Variants in ANKRD2 observed in about 807,000 individuals in gnomAD.
ANKRD2 encodes the protein ankyrin repeat domain 2.
In ANKRD2, 35 loss-of-function variants were observed where a neutral mutation model predicts 37.3. That is an observed-to-expected ratio of 0.94 (90% CI 0.72 to 1.24). The LOEUF (loss-of-function observed/expected upper bound fraction) is 1.24, where lower values mean the gene tolerates loss of function less well. Among genes scored for constraint, ANKRD2 ranks in the 50% most tolerant of loss-of-function variants. ANKRD2 has a pLI of 0.00. For missense variants in ANKRD2, 410 were observed against 445.6 expected, an observed-to-expected ratio of 0.92 and a Z score of 0.72; for synonymous variants, 159 against 186.5, an observed-to-expected ratio of 0.85 and a Z score of 1.20.
At chr10:97,580,685 C>T (rs1163311537) in intron 4 of ANKRD2, among the ~76,000 whole-genome samples, 170 bp from the exon 5 acceptor site, 1 of 152,102 alleles carries the variant, frequency 6.6e-6, no homozygotes, top group East Asian at 1.9e-4. Context: ...CAGAGGGCTC[C>T]CAGGCTGGTC....
chr10:97,580,669 C>T (rs746253241), intron 4 of ANKRD2, among the ~76,000 whole-genome samples, 186 bp from the exon 5 acceptor site: 1 of 152,152 alleles, frequency 6.6e-6, no homozygotes, highest in Non-Finnish European at 1.5e-5. Flanking sequence ...GTCGGGTTCC[C>T]TGGGGCAGAG....
chr10:97,572,495 G>A, upstream of ANKRD2: 1 of 577,934 alleles, frequency 1.7e-6, no homozygotes. Context: ...CTTGGCTAAG[G>A]CCCAACCAGT....
At chr10:97,581,185 A>C in intron 5 of ANKRD2, 131 bp from the exon 6 acceptor site, 1 of 941,152 alleles carries the variant, frequency 1.1e-6, no homozygotes, top group South Asian at 1.6e-5. Flanking sequence ...CACTTGGTCC[A>C]TTGCCCATGC....
At chr10:97,579,645 C>T (rs1386834862) in intron 4 of ANKRD2, among the ~76,000 whole-genome samples, 4 of 151,210 alleles carry the variant, frequency 2.6e-5, no homozygotes, top group East Asian at 3.9e-4. Context: ...TGGAGTGCAG[C>T]GGTGCGATCT....
rs530756267 is a variant in ANKRD2 at position 97,582,500 on chromosome 10, C to A, written c.753+87C>A. 1.2e-5 allele frequency: 19 copies of A among 1,560,908 alleles called. 1 individual carries two copies. The South Asian group carries it at 1.7e-4, about 14-fold the overall frequency. ...ACAGGTGGTGTCCTTCCTCCTGGGG[C>A]CTTCAGGACTTGGCTCCTGAGCAGG... On this transcript the variant is annotated intron_variant, in intron 7 of 8. Transcript: ENST00000370655.
intron 2 of ANKRD2, 92 bp from the exon 3 acceptor site, chr10:97,578,148 A>ACCCCCCC: frequency 4.4e-6 from 1 of 227,704 alleles, no homozygotes; most frequent in Non-Finnish European, 8.3e-6. Context: ...CTTCCTGCCC[A>ACCCCCCC]CCCCACCCTC....
At position 97,582,612 on chromosome 10, in the gene ANKRD2, T is replaced by C. The variant is rs1367452617; in HGVS notation, c.762T>C (p.Asp254=). The change falls in exon 8 of 9, where the codon GAT becomes GAC. Residue 254 remains aspartate, a synonymous_variant. Coordinates refer to ENST00000370655, the MANE Select transcript of ANKRD2 (RefSeq NM_001346793.2). ...TGCCACACTGACTCTAGGAAGGGGA[T>C]ACTGCCCTGCATGACGCTGTGAGGC... ...LEINARDREG[D]TALHDAVRLN... is the part of the protein sequence containing the mutation. 2 of 1,614,138 alleles carry C rather than the reference T, an allele frequency of 1.2e-6. No homozygotes were observed. Among genetic ancestry groups the C allele is most frequent in the Admixed American group, 1.7e-5 (1 of 60,030 alleles).
intron 2 of ANKRD2, 120 bp from the exon 3 acceptor site, chr10:97,578,120 C>T: frequency 7.5e-7 from 1 of 1,339,786 alleles, no homozygotes; most frequent in Non-Finnish European, 1.0e-6. Context: ...ACCTTGGTTC[C>T]TTCTTTCTTA....
intron 1 of ANKRD2, 95 bp from the exon 2 acceptor site, chr10:97,577,705 A>G (rs1458423950): frequency 8.7e-6 from 9 of 1,029,548 alleles, no homozygotes; most frequent in Non-Finnish European, 1.1e-5. Context: ...GAGACCACCC[A>G]GGAGGATGTC....
rs2040853176 is a variant in ANKRD2 at position 97,578,321 on chromosome 10, CT to C, written c.272del (p.Leu91ArgfsTer36). On this transcript the variant is annotated frameshift_variant, in exon 3 of 9. Coordinates refer to ENST00000370655, the MANE Select transcript of ANKRD2 (RefSeq NM_001346793.2). LOFTEE classifies it high-confidence loss of function. ...DVGGIQNLIE[L>X]RKKRKQKKRD... is the part of the protein sequence containing the mutation. The stretch of plus-strand genomic sequence containing the variant: ...GGGCGGGATCCAGAACCTCATCGAG[CT>C]GCGGAAGAAACGCAAGCAGAAGAAG... 3 of 1,613,272 alleles carry C rather than the reference CT, an allele frequency of 1.9e-6. No individual in the cohort carries two copies. The highest frequency in any genetic ancestry group is 2.5e-6 in the Non-Finnish European group (3 of 1,179,958).
In ANKRD2 at chr10:97,572,830, C is replaced by G; in HGVS notation, c.42C>G (p.Ala14=). The stretch of plus-strand genomic sequence containing the variant: ...AGGACTCCGAGGCGGTGCAGAGGGC[C>G]ACAGCGCTCATCGAGCAGCGGCTGG... ...TMEDSEAVQR[A]TALIEQRLAQ... is the part of the protein sequence containing the mutation. Residue 14 remains alanine (A), a synonymous_variant, in exon 1 of 9, where the codon GCC becomes GCG. Transcript: ENST00000370655. 1 of 1,564,070 alleles carries G rather than the reference C, an allele frequency of 6.4e-7. No homozygotes were observed. The highest frequency in any genetic ancestry group is 8.7e-7 in the Non-Finnish European group (1 of 1,154,488).
At chr10:97,576,755 G>T in intron 1 of ANKRD2, among the ~76,000 whole-genome samples, 1 of 150,530 alleles carries the variant, frequency 6.6e-6, no homozygotes, top group African/African-American at 2.4e-5. Context: ...GGAGTATAGT[G>T]GCACGATCTT....
At chr10:97,576,724 T>A (rs2040831275) in intron 1 of ANKRD2, among the ~76,000 whole-genome samples, 1 of 128,314 alleles carries the variant, frequency 7.8e-6, no homozygotes, top group African/African-American at 2.8e-5. Context: ...TGAGACCGAG[T>A]CTTACTCTGC....
chr10:97,578,148 A>ACCCCCCCCCCCCC, intron 2 of ANKRD2, 92 bp from the exon 3 acceptor site: 7 of 227,702 alleles, frequency 3.1e-5, no homozygotes, highest in South Asian at 1.2e-4. Context: ...CTTCCTGCCC[A>ACCCCCCCCCCCCC]CCCCACCCTC....
chr10:97,578,583 G>C lies in ANKRD2; in HGVS notation c.434G>C (p.Gly145Ala). ...KVIEKFLADG[G>A]SADTCDQFRR... ...ATTGAGAAGTTCCTGGCTGACGGGG[G>C]GTCAGCCGACACGTGCGACCAGGTG... Residue 145 changes from glycine (G) to alanine (A), a missense_variant, in exon 4 of 9, where the codon GGG (glycine) becomes GCG (alanine). Coordinates refer to ENST00000370655, the MANE Select transcript of ANKRD2 (RefSeq NM_001346793.2). The C allele has an allele frequency of 6.4e-7, 1 of 1,560,398 alleles. No homozygotes were observed. The highest frequency in any genetic ancestry group is 8.7e-7 in the Non-Finnish European group (1 of 1,151,912).
chr10:97,578,608 G>A lies in ANKRD2; in HGVS notation c.456+3G>A, dbSNP rs1402739599. ...GGTCAGCCGACACGTGCGACCAGGTGATGCTCCTAGCCGCCCCTGACCAGC... is the reference window on the plus strand; with the variant it reads ...GGTCAGCCGACACGTGCGACCAGGTAATGCTCCTAGCCGCCCCTGACCAGC... On this transcript the variant is annotated splice_donor_region_variant and intron_variant, in intron 4 of 8. Transcript: ENST00000370655. 6.5e-6 allele frequency: 10 copies of A among 1,550,034 alleles called. No individual in the cohort carries two copies. Among genetic ancestry groups the A allele is most frequent in the Non-Finnish European group, 8.7e-6 (10 of 1,146,006 alleles).
At chr10:97,578,159 C>T (rs2040848592) in intron 2 of ANKRD2, 81 bp from the exon 3 acceptor site, 2 of 1,260,292 alleles carry the variant, frequency 1.6e-6, no homozygotes, top group East Asian at 4.9e-5. Context: ...CCCCACCCTC[C>T]CCACCAGCTT....
chr10:97,572,719 GCCCAGC>G, upstream of ANKRD2: 1 of 1,604,486 alleles, frequency 6.2e-7, no homozygotes, highest in Non-Finnish European at 8.5e-7. Flanking sequence ...TGGCAAAGGC[GCCCAGC>G]TGGGCAGGGG....
At chr10:97,572,695 G>A, upstream of ANKRD2, 1 of 1,597,856 alleles carries the variant, frequency 6.3e-7, no homozygotes, top group Admixed American at 1.7e-5. Flanking sequence ...TGGAGAATTG[G>A]GCCAGTGAGC....
Sources: gnomAD v4.1 joint callset for allele counts (sites outside exome capture counted in the v4.1 genomes callset) on GRCh38, gnomAD v4.1.1 for gene constraint, MANE v1.5 for transcripts, NCBI Gene and HGNC (gene_info 2026-07-23, HGNC 2026-07-21) for gene names.